LYST: variants seen among roughly 807,000 people sequenced by gnomAD.
LYST encodes lysosomal trafficking regulator.
In LYST, 192 loss-of-function variants were observed where a neutral mutation model predicts 413.6. That is an observed-to-expected ratio of 0.46 (90% confidence interval 0.41 to 0.52). The LOEUF (loss-of-function observed/expected upper bound fraction) is 0.52, where lower values mean the gene tolerates loss of function less well. Ranked by LOEUF, LYST falls within the 20% of genes least tolerant of loss-of-function variation. The pLI is 0.00. For synonymous variants in LYST, 1,525 were observed against 1,567.3 expected (o/e 0.97, Z 0.64); for missense variants, 3,815 against 4,499.9 (o/e 0.85, Z 4.35).
chr1:235,820,375 C>CTTT (rs1176878134), intron 3 of LYST, among the ~76,000 whole-genome samples: 1 of 145,238 alleles, frequency 6.9e-6, no homozygotes, highest in African/African-American at 2.5e-5. Context: ...TCTTTTCTTT[C>CTTT]TTTTTTTTTT....
intron 3 of LYST, among the ~76,000 whole-genome samples, chr1:235,821,328 T>C (rs34705553): frequency 0.032 from 4,915 of 152,168 alleles, 127 homozygotes; most frequent in South Asian, 0.12. Flanking sequence ...TCACAGCTAT[T>C]TGGGAGGCTG....
In LYST at chr1:235,777,267, C is replaced by T. The variant is rs1669369332; in HGVS notation, c.5256G>A (p.Gln1752=). ...TAATCACTGGTTCATAGATGGTATA[C>T]TGAGCAGGACAGTAAGTTGTATAAA... ...SVVYTTYCPA[Q]YTIYEPVIRL... Residue 1752 remains glutamine (Q), a synonymous_variant, in exon 17 of 53, where the codon CAG becomes CAA. Coordinates refer to ENST00000389793, the MANE Select transcript of LYST (RefSeq NM_000081.4). 7 of 1,612,524 alleles carry T rather than the reference C, an allele frequency of 4.3e-6. No individual in the cohort carries two copies. Among genetic ancestry groups the T allele is most frequent in the South Asian group, 3.3e-5 (3 of 91,044 alleles).
intron 31 of LYST, chr1:235,738,558 G>A: frequency 6.2e-7 from 1 of 1,611,088 alleles, no homozygotes; most frequent in Non-Finnish European, 8.5e-7. Flanking sequence ...AAGCTGTCAT[G>A]GGTGAGTCCT....
chr1:235,693,634 A>G, intron 46 of LYST, 148 bp from the exon 47 acceptor site: 2 of 819,326 alleles, frequency 2.4e-6, no homozygotes, highest in East Asian at 2.6e-5. Flanking sequence ...AAATGGAACA[A>G]TTTTTTAGTT....
At chr1:235,677,451 A>G (rs1387844190) in intron 49 of LYST, 29 bp downstream of exon 49, 9 of 1,609,782 alleles carry the variant, frequency 5.6e-6, no homozygotes, top group Admixed American at 1.7e-5. Context: ...TAAAAATGCT[A>G]TGTTTGATTT....
Position 235,810,318 on chromosome 1 carries a change from T to A in LYST, c.500A>T (p.Asp167Val). 1 of 1,614,164 alleles carries A rather than the reference T, an allele frequency of 6.2e-7. No individual in the cohort carries two copies. Among genetic ancestry groups the A allele is most frequent in the Non-Finnish European group, 8.5e-7 (1 of 1,179,982 alleles). Residue 167 changes from aspartate (D) to valine (V), a missense_variant, in exon 5 of 53, where the codon GAT (aspartate) becomes GTT (valine). By Grantham distance (152) the Asp-to-Val change is radical. Transcript: ENST00000389793. The stretch of plus-strand genomic sequence containing the variant: ...TTTTTCATCTGAATTGGCTTCTGAA[T>A]CTGAGGTGGAGAGCTGTGTCTTTCT... ...DARKTQLSTS[D>V]SEANSDEKGI...
rs1256466557 is a variant in LYST, at chr1:235,808,487, A to G, written c.2331T>C (p.Tyr777=). ...QCLPQDVLQI[Y]VKTLPILLKS... ...TAAGCAGGATAGGCAGAGTTTTTAC[A>G]TAAATCTGAAGCACGTCCTGAGGCA... Residue 777 remains tyrosine, a synonymous_variant, in exon 5 of 53, where the codon TAT becomes TAC. Coordinates refer to ENST00000389793, the MANE Select transcript of LYST (RefSeq NM_000081.4). 6.2e-7 allele frequency: 1 copy of G among 1,613,620 alleles called. No homozygotes were observed. Among genetic ancestry groups the G allele is most frequent in the Non-Finnish European group, 8.5e-7 (1 of 1,179,916 alleles).
chr1:235,717,674 A>G (rs142951434), intron 40 of LYST, among the ~76,000 whole-genome samples: 55 of 152,122 alleles, frequency 3.6e-4, no homozygotes, highest in African/African-American at 1.3e-3. Flanking sequence ...TCAGTGAGTC[A>G]AACCAGGTCT....
intron 7 of LYST, among the ~76,000 whole-genome samples, chr1:235,803,944 G>A (rs982030158): frequency 5.9e-5 from 9 of 152,084 alleles, no homozygotes; most frequent in African/African-American, 1.9e-4. Context: ...CATAAAATGA[G>A]AGGGAAACAA....
At chr1:235,871,072 A>G (rs1680902234), upstream of LYST, among the ~76,000 whole-genome samples, 1 of 152,236 alleles carries the variant, frequency 6.6e-6, no homozygotes, top group South Asian at 2.1e-4. Flanking sequence ...GAAGTGCTTT[A>G]CCTTATTAGG....
At chr1:235,717,999 G>C (rs1429067270) in intron 40 of LYST, among the ~76,000 whole-genome samples, 4 of 151,566 alleles carry the variant, frequency 2.6e-5, no homozygotes, top group Admixed American at 1.3e-4. Flanking sequence ...AAGTAGCTGG[G>C]ACTACAGGCA....
At position 235,809,971 on chromosome 1, in the gene LYST, C is replaced by T; in HGVS notation, c.847G>A (p.Ala283Thr). 6.2e-7 allele frequency: 1 copy of T among 1,613,844 alleles called. No individual in the cohort carries two copies. Among genetic ancestry groups the T allele is most frequent in the South Asian group, 1.1e-5 (1 of 91,076 alleles). The change falls in exon 5 of 53, where the codon GCC (alanine) becomes ACC (threonine). Residue 283 changes from alanine to threonine, a missense_variant. Ala to Thr is a moderately conservative substitution (Grantham distance 58, BLOSUM62 0). Around this residue, in one of 4 missense-constraint regions of LYST, gnomAD observed 1,648 missense variants for 1,810.3 expected, o/e 0.91. Coordinates refer to ENST00000389793, the MANE Select transcript of LYST (RefSeq NM_000081.4). This position sits in a 1 kb window ranked among gnomAD's most constrained non-coding sequence, Gnocchi z 4.0. ...VTLNHNSPLA[A>T]SVVPTLTEFL... ...TCAGTTAGTGTGGGCACTACACTGGCTGCTAAAGGAGAATTATGATTCAAG... is the reference window on the plus strand; with the variant it reads ...TCAGTTAGTGTGGGCACTACACTGGTTGCTAAAGGAGAATTATGATTCAAG...
Position 235,720,677 on chromosome 1 carries a change from C to G in LYST, c.9544G>C (p.Asp3182His), listed in dbSNP as rs777743654. 4.3e-6 allele frequency: 7 copies of G among 1,613,590 alleles called. No homozygotes were observed. Among genetic ancestry groups the G allele is most frequent in the Non-Finnish European group, 5.9e-6 (7 of 1,179,602 alleles). Reference protein sequence around the residue: ...DYVSETLDLNDLLIYRNLSKP... With the variant: ...DYVSETLDLNHLLIYRNLSKP... ...TTAACTTACCTGTATATCAACAGAT[C>G]ATTGAGGTCAAGTGTCTCACTAACG... Residue 3182 changes from aspartate to histidine, a missense_variant, in exon 40 of 53, where the codon GAT (aspartate) becomes CAT (histidine). Coordinates refer to ENST00000389793, the MANE Select transcript of LYST (RefSeq NM_000081.4).
intron 31 of LYST, chr1:235,738,143 TG>T (rs1664981446): frequency 1.9e-6 from 3 of 1,608,988 alleles, no homozygotes; most frequent in African/African-American, 2.7e-5. Context: ...CAGGCGAACT[TG>T]CTCTTGTTGA....
At chr1:235,705,202 C>T (rs1195076456) in intron 44 of LYST, among the ~76,000 whole-genome samples, 1 of 152,118 alleles carries the variant, frequency 6.6e-6, no homozygotes, top group Non-Finnish European at 1.5e-5. Context: ...GAACTCAATC[C>T]TTAATTCAGA....
chr1:235,714,632 G>A (rs1314041578), intron 42 of LYST, among the ~76,000 whole-genome samples: 1 of 152,176 alleles, frequency 6.6e-6, no homozygotes, highest in Non-Finnish European at 1.5e-5. Flanking sequence ...AGGTGAGTAT[G>A]TCCCAATCTC....
intron 29 of LYST, among the ~76,000 whole-genome samples, chr1:235,744,899 A>T (rs1665763015): frequency 8.3e-6 from 1 of 121,134 alleles, no homozygotes; most frequent in Non-Finnish European, 1.8e-5. Context: ...TCTCAAAAAA[A>T]AAAAGAAAAA....
chr1:235,709,350 C>A (rs766310541), intron 43 of LYST, 42 bp from the exon 44 acceptor site: 108 of 1,476,352 alleles, frequency 7.3e-5, no homozygotes, highest in Non-Finnish European at 9.4e-5. Context: ...TCCCCCACAG[C>A]AAGTTTCATT....
intron 1 of LYST, among the ~76,000 whole-genome samples, chr1:235,877,795 G>T (rs1207572267): frequency 6.9e-6 from 1 of 145,684 alleles, no homozygotes; most frequent in Admixed American, 7.0e-5. Context: ...GCCCAGGTGG[G>T]TCATCTTATG....
Sources: gnomAD v4.1 joint callset for allele counts (sites outside exome capture counted in the v4.1 genomes callset) on GRCh38, gnomAD v4.1.1 for gene constraint, gnomAD v4.1.1 regional missense constraint, Gnocchi (gnomAD v3.1) non-coding constraint, MANE v1.5 for transcripts, NCBI Gene and HGNC (gene_info 2026-07-23, HGNC 2026-07-21) for gene names.